The following WWOX variants were observed in gnomAD, a reference collection of about 807,000 sequenced individuals.
WWOX encodes the protein WW domain-containing oxidoreductase.
WWOX carries 69 observed loss-of-function variants against 46.2 expected under a neutral mutation model. That is an observed-to-expected ratio of 1.49 (90% CI 1.23 to 1.82). The LOEUF is 1.82. Among genes scored for constraint, WWOX ranks in the 40% most tolerant of loss-of-function variants. WWOX has a pLI of 0.00. For synonymous variants in WWOX, 359 were observed against 202.6 expected (o/e 1.77, Z -6.56); for missense variants, 919 against 542.6 (o/e 1.69, Z -6.89).
intron 5 of WWOX, among the ~76,000 whole-genome samples, chr16:78,276,751 C>T (rs1202965807): frequency 6.6e-6 from 1 of 152,224 alleles, no homozygotes; most frequent in Non-Finnish European, 1.5e-5. Flanking sequence ...TTTCCACCCA[C>T]ACCTGGCAAT....
At chr16:78,651,835 C>T (rs2046972196) in intron 8 of WWOX, among the ~76,000 whole-genome samples, 2 of 152,136 alleles carry the variant, frequency 1.3e-5, no homozygotes, top group Admixed American at 6.5e-5. Flanking sequence ...TGGACTCATG[C>T]CTTATTCTTT....
At chr16:78,843,924 G>A (rs1431048968) in intron 8 of WWOX, among the ~76,000 whole-genome samples, 2 of 152,092 alleles carry the variant, frequency 1.3e-5, no homozygotes, top group Non-Finnish European at 2.9e-5. Context: ...GTTCCTAATG[G>A]CAGAGCAACA....
chr16:78,709,598 G>A (rs1331550245), intron 8 of WWOX, among the ~76,000 whole-genome samples: 3 of 152,176 alleles, frequency 2.0e-5, no homozygotes, highest in Admixed American at 1.3e-4. Flanking sequence ...GTTTTCAGGT[G>A]AGCGTGCTGT....
At chr16:78,205,705 A>G (rs964531542) in intron 5 of WWOX, among the ~76,000 whole-genome samples, 25 of 151,594 alleles carry the variant, frequency 1.6e-4, no homozygotes, top group Admixed American at 1.4e-3. Context: ...TCATTCATCT[A>G]TCCATCCATG....
At chr16:78,535,588 A>T (rs2043739184) in intron 8 of WWOX, 1 of 152,210 alleles carries the variant, frequency 6.6e-6, no homozygotes, top group South Asian at 2.1e-4. Context: ...GACCTTTGAA[A>T]TATTTTTTTG....
chr16:78,797,736 C>T (rs1476109713), intron 8 of WWOX, among the ~76,000 whole-genome samples: 2 of 152,162 alleles, frequency 1.3e-5, no homozygotes, highest in African/African-American at 2.4e-5. Flanking sequence ...GCCTGTAATC[C>T]CAGCACTTTG....
At chr16:78,879,320 G>A (rs192733769) in intron 8 of WWOX, among the ~76,000 whole-genome samples, 3 of 152,226 alleles carry the variant, frequency 2.0e-5, no homozygotes, top group Admixed American at 2.0e-4. Context: ...ATAAATGGTG[G>A]ACCCTCTGAT....
At chr16:78,152,222 A>C (rs1227375642) in intron 4 of WWOX, among the ~76,000 whole-genome samples, 1 of 152,092 alleles carries the variant, frequency 6.6e-6, no homozygotes, top group Non-Finnish European at 1.5e-5. Flanking sequence ...TAACATGGAA[A>C]TGTTTCCTTG....
intron 8 of WWOX, among the ~76,000 whole-genome samples, chr16:78,725,943 C>T (rs997661708): frequency 2.0e-5 from 3 of 151,262 alleles, no homozygotes; most frequent in African/African-American, 4.9e-5. Context: ...CTTTTCTTTC[C>T]TCTTCCCTTT....
At chr16:79,023,703 T>G (rs1036921192) in intron 8 of WWOX, among the ~76,000 whole-genome samples, 1 of 151,808 alleles carries the variant, frequency 6.6e-6, no homozygotes, top group Non-Finnish European at 1.5e-5. Flanking sequence ...GTAGATCACC[T>G]GAGGTCTCAG....
At chr16:78,750,012 G>C (rs372103251) in intron 8 of WWOX, among the ~76,000 whole-genome samples, 3 of 152,206 alleles carry the variant, frequency 2.0e-5, no homozygotes, top group African/African-American at 7.2e-5. Flanking sequence ...CCTTCTTGTC[G>C]TTCAGTAGTA....
At chr16:78,278,147 C>A (rs1293865712) in intron 5 of WWOX, among the ~76,000 whole-genome samples, 1 of 152,022 alleles carries the variant, frequency 6.6e-6, no homozygotes, top group Non-Finnish European at 1.5e-5. Flanking sequence ...ATTATATTGC[C>A]ATTTATATTG....
chr16:78,560,683 G>A (rs918539196), intron 8 of WWOX, among the ~76,000 whole-genome samples: 1 of 151,994 alleles, frequency 6.6e-6, no homozygotes, highest in Non-Finnish European at 1.5e-5. Flanking sequence ...TAATAATAAT[G>A]TTAGTGATAC....
intron 8 of WWOX, among the ~76,000 whole-genome samples, chr16:79,041,591 T>A (rs961449560): frequency 5.9e-5 from 9 of 152,074 alleles, no homozygotes; most frequent in Non-Finnish European, 1.0e-4. Context: ...CTGGTTGGCC[T>A]CTGGGAGTAC....
chr16:78,413,087 A>T (rs2082720210), intron 6 of WWOX, among the ~76,000 whole-genome samples: 1 of 152,208 alleles, frequency 6.6e-6, no homozygotes, highest in Non-Finnish European at 1.5e-5. Flanking sequence ...TGCTAGCTGG[A>T]CAGAGCTGAT....
Position 79,211,797 on chromosome 16 carries a change from G to C in WWOX, c.*1G>C, listed in dbSNP as rs768801024. 6.2e-6 allele frequency: 10 copies of C among 1,613,958 alleles called. No homozygotes were observed. The highest frequency in any genetic ancestry group is 7.6e-6 in the Non-Finnish European group (9 of 1,179,980). On this transcript the variant is annotated 3_prime_UTR_variant, in exon 9 of 9. Coordinates refer to ENST00000566780, the MANE Select transcript of WWOX (RefSeq NM_016373.4). ...ACGGCTTGGCAGCCAGTCCGGCTAAGTGGAGCTCAGAGCGGATGGGCACAC... is the reference window on the plus strand; with the variant it reads ...ACGGCTTGGCAGCCAGTCCGGCTAACTGGAGCTCAGAGCGGATGGGCACAC...
At chr16:79,139,073 A>G (rs147956702) in intron 8 of WWOX, among the ~76,000 whole-genome samples, 39 of 152,258 alleles carry the variant, frequency 2.6e-4, no homozygotes, top group African/African-American at 9.1e-4. Context: ...GCGTTCACAC[A>G]TGGTTCCGTC....
intron 8 of WWOX, among the ~76,000 whole-genome samples, chr16:79,076,601 C>G (rs572542564): frequency 6.6e-6 from 1 of 152,294 alleles, no homozygotes; most frequent in South Asian, 2.1e-4. Context: ...CCCTTCATGA[C>G]CCAGTCACAG....
chr16:78,360,050 AAGG>A (rs1396677049), intron 5 of WWOX, among the ~76,000 whole-genome samples: 3 of 152,370 alleles, frequency 2.0e-5, no homozygotes, highest in East Asian at 1.9e-4. Context: ...ACAAAACAAA[AAGG>A]AGGATACCAA....
Sources: allele counts gnomAD v4.1 joint callset (sites outside exome capture counted in the v4.1 genomes callset), GRCh38; gene constraint gnomAD v4.1.1; transcripts MANE v1.5; gene names NCBI Gene and HGNC (gene_info 2026-07-23, HGNC 2026-07-21).